ACAD11: variants seen among roughly 807,000 people sequenced by gnomAD.
The protein encoded by ACAD11 is acyl-Coenzyme A dehydrogenase family, member 11.
Under a neutral mutation model 102.2 loss-of-function variants are expected in ACAD11, and 83 were observed. The ratio of observed to expected loss-of-function variants is 0.81; its 90% CI spans 0.68 to 0.97. ACAD11 has a LOEUF of 0.97. Among genes scored for constraint, ACAD11 ranks in the 50% least tolerant of loss-of-function variants. The pLI is 0.00. For synonymous variants in ACAD11, 324 were observed against 319.8 expected (o/e 1.01, Z -0.14); for missense variants, 901 against 951.7 (o/e 0.95, Z 0.70).
intron 13 of ACAD11, among the ~76,000 whole-genome samples, chr3:132,583,178 C>A (rs1937640236): frequency 1.3e-5 from 2 of 152,116 alleles, no homozygotes. Context: ...TCCATCTAGT[C>A]CTGGACTTTT....
In ACAD11 at chr3:132,659,716, G is replaced by C; in HGVS notation, c.36C>G (p.Ala12=). The C allele has an allele frequency of 1.2e-6, 2 of 1,609,136 alleles. No individual in the cohort carries two copies. The highest frequency in any genetic ancestry group is 1.7e-6 in the Non-Finnish European group (2 of 1,177,126). ...CGAACTTGTGCTGGGGCAGCACTTC[G>C]GCCAAATCGGACTCGCCAGTAGCAC... ...KPGATGESDL[A]EVLPQHKFDS... is the part of the protein sequence containing the mutation. Residue 12 remains alanine, a synonymous_variant, in exon 1 of 20, where the codon GCC becomes GCG. Transcript: ENST00000264990.
chr3:132,647,410 T>A (rs1940755549), intron 1 of ACAD11: 1 of 152,324 alleles, frequency 6.6e-6, no homozygotes, highest in South Asian at 2.1e-4. Context: ...TTTTGATGTG[T>A]CTAACCTCCA....
chr3:132,633,461 C>T (rs1251256755), intron 5 of ACAD11, among the ~76,000 whole-genome samples: 1 of 152,136 alleles, frequency 6.6e-6, no homozygotes, highest in Non-Finnish European at 1.5e-5. Flanking sequence ...TGATGTGCTG[C>T]TGGATTCCGT....
At chr3:132,560,266 A>G (rs1191617706) in intron 18 of ACAD11, among the ~76,000 whole-genome samples, 1 of 152,156 alleles carries the variant, frequency 6.6e-6, no homozygotes, top group Non-Finnish European at 1.5e-5. Flanking sequence ...GCTATTAATC[A>G]GGTTTCTTTT....
chr3:132,629,094 C>A (rs560827806), intron 7 of ACAD11, among the ~76,000 whole-genome samples: 4 of 152,154 alleles, frequency 2.6e-5, no homozygotes, highest in Non-Finnish European at 5.9e-5. Context: ...TTTTATATTT[C>A]CAATTAGATT....
At chr3:132,613,734 A>G (rs1939272197) in intron 11 of ACAD11, among the ~76,000 whole-genome samples, 1 of 151,960 alleles carries the variant, frequency 6.6e-6, no homozygotes, top group Non-Finnish European at 1.5e-5. Flanking sequence ...CCACATCTCT[A>G]CTAAAAGTAC....
chr3:132,644,672 G>T, intron 2 of ACAD11, 125 bp downstream of exon 2: 1 of 426,286 alleles, frequency 2.3e-6, no homozygotes, highest in Non-Finnish European at 4.0e-6. Context: ...ATTTTCATTA[G>T]AAATAAAATA....
chr3:132,615,333 C>T (rs748327194), intron 11 of ACAD11, among the ~76,000 whole-genome samples: 10 of 152,012 alleles, frequency 6.6e-5, no homozygotes, highest in Admixed American at 3.9e-4. Flanking sequence ...GGATATATAC[C>T]GAAAGGATTA....
At chr3:132,576,390 G>C (rs972973093) in intron 16 of ACAD11, among the ~76,000 whole-genome samples, 5 of 152,188 alleles carry the variant, frequency 3.3e-5, no homozygotes, top group Non-Finnish European at 7.3e-5. Flanking sequence ...ATTCCTGGAA[G>C]AGGTGGTATT....
intron 9 of ACAD11, among the ~76,000 whole-genome samples, chr3:132,624,438 C>T (rs1447692165): frequency 6.6e-6 from 1 of 151,566 alleles, no homozygotes; most frequent in Non-Finnish European, 1.5e-5. Flanking sequence ...AACTCCATCC[C>T]TACTAAAAAT....
chr3:132,640,330 C>T (rs1052218946), intron 4 of ACAD11, among the ~76,000 whole-genome samples: 2 of 152,114 alleles, frequency 1.3e-5, no homozygotes, highest in African/African-American at 2.4e-5. Flanking sequence ...CTTCGTGATC[C>T]GCCTGCCTTG....
intron 13 of ACAD11, among the ~76,000 whole-genome samples, chr3:132,586,431 T>C (rs1301048457): frequency 2.0e-5 from 3 of 152,064 alleles, no homozygotes; most frequent in Non-Finnish European, 2.9e-5. Context: ...ACATGGCACA[T>C]GTATACATAT....
At chr3:132,563,723 C>T (rs529799198) in intron 17 of ACAD11, among the ~76,000 whole-genome samples, 10 of 152,148 alleles carry the variant, frequency 6.6e-5, no homozygotes, top group Non-Finnish European at 1.5e-4. Flanking sequence ...TTGTCATCTA[C>T]AAGCAGGCCC....
At chr3:132,562,166 G>A (rs1029552858) in intron 17 of ACAD11, among the ~76,000 whole-genome samples, 9 of 152,196 alleles carry the variant, frequency 5.9e-5, no homozygotes, top group Non-Finnish European at 7.4e-5. Context: ...GTGCAGTGGC[G>A]CCATCTCAGA....
At chr3:132,576,504 A>G (rs2369791) in intron 16 of ACAD11, among the ~76,000 whole-genome samples, 1 of 152,230 alleles carries the variant, frequency 6.6e-6, no homozygotes, top group Non-Finnish European at 1.5e-5. Flanking sequence ...ACTTGAATTC[A>G]TAAAGTACTG....
At chr3:132,645,246 T>A (rs1185170969) in intron 1 of ACAD11, among the ~76,000 whole-genome samples, 1 of 152,210 alleles carries the variant, frequency 6.6e-6, no homozygotes, top group East Asian at 1.9e-4. Context: ...GAGAAGAGAT[T>A]GTTAGTTATC....
In ACAD11 at chr3:132,575,816, G is replaced by T. The variant is rs112403332; in HGVS notation, c.1957C>A (p.Arg653=). 5.0e-6 allele frequency: 8 copies of T among 1,613,826 alleles called. No homozygotes were observed. Among genetic ancestry groups the T allele is most frequent in the Non-Finnish European group, 6.8e-6 (8 of 1,179,972 alleles). Residue 653 remains arginine (R), a synonymous_variant, in exon 17 of 20, where the codon CGG becomes AGG. Transcript: ENST00000264990. ...TTGAAAGCTATCCTTTGTGTTGCCC[G>T]CTCACACATGATCTGCAAAGCGCGT... The part of the protein sequence containing the change: ...AERALQIMCE[R]ATQRIAFKKK...
Position 132,642,081 on chromosome 3 carries a change from G to C in ACAD11, c.428C>G (p.Ser143Ter), listed in dbSNP as rs1173376234. ...TIPGLSPAER[S>*]AIYVATVETL... ...TTCTACCGTGGCCACATATATGGCT[G>C]AACGTTCTGCTGGGCTAAGTCCAGG... Residue 143 changes from serine (S) to a stop codon, truncating the protein, a stop_gained, in exon 4 of 20, where the codon TCA becomes TGA. Transcript: ENST00000264990. LOFTEE classifies it high-confidence loss of function. 6.2e-7 allele frequency: 1 copy of C among 1,613,910 alleles called. No individual in the cohort carries two copies. The highest frequency in any genetic ancestry group is 1.3e-5 in the African/African-American group (1 of 74,924).
chr3:132,639,360 G>A, intron 5 of ACAD11, 132 bp downstream of exon 5: 1 of 791,518 alleles, frequency 1.3e-6, no homozygotes, highest in Non-Finnish European at 1.9e-6. Flanking sequence ...ATTTTGAGTG[G>A]TGACGACAGT....
Sources: gnomAD v4.1 joint callset for allele counts (sites outside exome capture counted in the v4.1 genomes callset) on GRCh38, gnomAD v4.1.1 for gene constraint, MANE v1.5 for transcripts, NCBI Gene and HGNC (gene_info 2026-07-23, HGNC 2026-07-21) for gene names.